Variants in TNC observed in about 807,000 individuals in gnomAD.
TNC encodes the protein tenascin.
Under a neutral mutation model 202.4 loss-of-function variants are expected in TNC, and 109 were observed. That is an observed-to-expected ratio of 0.54 (90% CI 0.46 to 0.63). The LOEUF (loss-of-function observed/expected upper bound fraction) is 0.63, where lower values mean the gene tolerates loss of function less well. Ranked by LOEUF, TNC falls within the 30% of genes least tolerant of loss-of-function variation. The probability of loss-of-function intolerance (pLI) is 0.00; values close to 1 mark genes in which losing one functional copy is unlikely to be tolerated. For missense variants in TNC, 2,756 were observed against 2,833.3 expected (o/e 0.97, Z 0.62); for synonymous variants, 1,007 against 1,089.7 (o/e 0.92, Z 1.50).
intron 25 of TNC, among the ~76,000 whole-genome samples, chr9:115,027,166 G>T (rs1350718648): frequency 6.6e-6 from 1 of 151,404 alleles, no homozygotes; most frequent in Admixed American, 6.6e-5. Context: ...TTGAAGCTCA[G>T]TCTTGTGCTT....
At chr9:115,114,612 C>T (rs1336833938) in intron 1 of TNC, among the ~76,000 whole-genome samples, 1 of 152,154 alleles carries the variant, frequency 6.6e-6, no homozygotes, top group African/African-American at 2.4e-5. Context: ...AATCAATAGG[C>T]ACCAATGCCA....
At chr9:115,081,978 T>G (rs751143479) in intron 5 of TNC, 50 bp from the exon 6 acceptor site, 2 of 1,514,028 alleles carry the variant, frequency 1.3e-6, no homozygotes, top group Non-Finnish European at 1.8e-6. Flanking sequence ...GCCAGTCTCT[T>G]AATTTATGTG....
At chr9:115,024,161 C>T (rs1443398247) in intron 26 of TNC, 25 bp from the exon 27 acceptor site, 7 of 1,604,886 alleles carry the variant, frequency 4.4e-6, no homozygotes, top group Non-Finnish European at 5.1e-6. Flanking sequence ...AAATATGGAC[C>T]TGAGAAATCT....
chr9:115,031,501 G>T, intron 23 of TNC, 52 bp downstream of exon 23: 3 of 1,449,672 alleles, frequency 2.1e-6, no homozygotes, highest in Non-Finnish European at 2.7e-6. Flanking sequence ...GTCAAGGGTT[G>T]ATTCAGTCAA....
chr9:115,085,790 C>T (rs570163223), intron 3 of TNC, 74 bp downstream of exon 3: 79 of 1,335,136 alleles, frequency 5.9e-5, no homozygotes, highest in Admixed American at 1.5e-4. Context: ...TATATATAAA[C>T]GTAGTTTTCC....
chr9:115,080,239 G>A (rs1236806320), intron 6 of TNC, among the ~76,000 whole-genome samples: 1 of 152,006 alleles, frequency 6.6e-6, no homozygotes, highest in African/African-American at 2.4e-5. Flanking sequence ...CAAAAGAGCA[G>A]TGAAAAAAAA....
At chr9:115,039,595 T>C (rs2131906795) in intron 19 of TNC, among the ~76,000 whole-genome samples, 1 of 152,322 alleles carries the variant, frequency 6.6e-6, no homozygotes, top group South Asian at 2.1e-4. Context: ...ATTGTGCCCA[T>C]GCCAGCAGCC....
chr9:115,082,868 G>T, intron 4 of TNC, 61 bp from the exon 5 acceptor site: 3 of 1,174,790 alleles, frequency 2.6e-6, no homozygotes, highest in Non-Finnish European at 2.5e-6. Context: ...GGGCAACGCG[G>T]CCACGATTCC....
intron 3 of TNC, among the ~76,000 whole-genome samples, chr9:115,085,384 T>G (rs1404173265): frequency 6.6e-6 from 1 of 152,250 alleles, no homozygotes; most frequent in East Asian, 1.9e-4. Flanking sequence ...GTAATCTCAC[T>G]GCGTATTCAA....
At chr9:115,064,126 T>A (rs567533790) in intron 11 of TNC, 58 bp from the exon 12 acceptor site, 2 of 1,482,480 alleles carry the variant, frequency 1.3e-6, no homozygotes, top group East Asian at 4.6e-5. Flanking sequence ...ATCCAGGGAA[T>A]CTTTAACACA....
In TNC at chr9:115,063,894, T is replaced by C; in HGVS notation, c.3662A>G (p.Asp1221Gly). The C allele has an allele frequency of 6.2e-7, 1 of 1,614,184 alleles. No individual in the cohort carries two copies. Among genetic ancestry groups the C allele is most frequent in the Non-Finnish European group, 8.5e-7 (1 of 1,180,022 alleles). Residue 1221 changes from aspartate (D) to glycine (G), a missense_variant, in exon 12 of 28, where the codon GAC becomes GGC. Asp to Gly is a moderately conservative substitution (Grantham distance 94). This residue lies in a region of TNC where 2,559 missense variants were observed against 2,546.0 expected (regional missense o/e 1.01). Transcript: ENST00000350763. ...LTVPGGLRSTDLPGLKAATHY... is the reference protein window; with the variant it reads ...LTVPGGLRSTGLPGLKAATHY... ...AGTGGCTGCTTTGAGCCCAGGCAGGTCTGTGGACCTCAGTCCTCCTGGGAC... is the reference window on the plus strand; with the variant it reads ...AGTGGCTGCTTTGAGCCCAGGCAGGCCTGTGGACCTCAGTCCTCCTGGGAC...
chr9:115,038,261 C>T lies in TNC; in HGVS notation c.5512G>A (p.Val1838Met), dbSNP rs1164129868. The change falls in exon 20 of 28, where the codon GTG becomes ATG. Residue 1838 changes from valine to methionine, a missense_variant and splice_region_variant. By Grantham distance (21) the Val-to-Met change is conservative. Around this residue, in one of 2 missense-constraint regions of TNC, gnomAD observed 2,559 missense variants for 2,546.0 expected, o/e 1.01. Transcript: ENST00000350763. ...AGGAGAGACTTGGACAAAACCTTAC[C>T]TTTCTCGCCTGTGTAGGAGATGACA... ...SYVISYTGEKVPEITRTVSGN... is the reference protein window; with the variant it reads ...SYVISYTGEKMPEITRTVSGN... 2 of 1,613,412 alleles carry T rather than the reference C, an allele frequency of 1.2e-6. No homozygotes were observed. Among genetic ancestry groups the T allele is most frequent in the Non-Finnish European group, 1.7e-6 (2 of 1,179,570 alleles).
chr9:115,087,421 G>C, intron 2 of TNC, 148 bp from the exon 3 acceptor site: 1 of 736,968 alleles, frequency 1.4e-6, no homozygotes, highest in East Asian at 2.7e-5. Context: ...TGTAGTGTGT[G>C]AAATCAGATG....
In TNC at chr9:115,091,133, ATCT is replaced by A; in HGVS notation, c.-118_-116del. 1.3e-6 allele frequency: 1 copy of A among 786,018 alleles called. No individual in the cohort carries two copies. 48.7% of individuals were successfully genotyped at this position (786,018 alleles called of 1,614,324 possible). On this transcript the variant is annotated 5_prime_UTR_variant, in exon 2 of 28. Coordinates refer to ENST00000350763, the MANE Select transcript of TNC (RefSeq NM_002160.4). The stretch of plus-strand genomic sequence containing the variant: ...GTAGACTTCAAATCAGTTGTCCCTG[ATCT>A]TCTTGAAAGAATTATTTTCTACAAG...
chr9:115,052,079 C>CATAT (rs3035495), intron 15 of TNC, among the ~76,000 whole-genome samples: 47 of 146,854 alleles, frequency 3.2e-4, no homozygotes, highest in African/African-American at 1.0e-3. Flanking sequence ...TGTATATATA[C>CATAT]ATATATATAT....
intron 7 of TNC, among the ~76,000 whole-genome samples, chr9:115,077,640 A>G (rs1166528036): frequency 6.6e-6 from 1 of 152,246 alleles, no homozygotes; most frequent in African/African-American, 2.4e-5. Flanking sequence ...TCCATATACC[A>G]TATTTTACTT....
chr9:115,100,500 C>T (rs1457648595), intron 1 of TNC, among the ~76,000 whole-genome samples: 1 of 152,184 alleles, frequency 6.6e-6, no homozygotes, highest in Non-Finnish European at 1.5e-5. Flanking sequence ...AATTGAAACA[C>T]CCAGAGTCAC....
rs1355580059 is a variant in TNC, at chr9:115,076,584, G to GAGA, written c.2675-12_2675-10dup. 2 of 1,613,800 alleles carry GAGA rather than the reference G, an allele frequency of 1.2e-6. No individual in the cohort carries two copies. Among genetic ancestry groups the GAGA allele is most frequent in the Non-Finnish European group, 8.5e-7 (1 of 1,179,828 alleles). On this transcript the variant is annotated splice_polypyrimidine_tract_variant and intron_variant, in intron 7 of 27. Coordinates refer to ENST00000350763, the MANE Select transcript of TNC (RefSeq NM_002160.4). Reference sequence around the variant, plus strand: ...CCTGGGAGCATCGAGGCCTGTTTGAGAGAAGGAACATTTGTATTGAACATA... The same window carrying GAGA: ...CCTGGGAGCATCGAGGCCTGTTTGAGAGAAGAAGGAACATTTGTATTGAACATA...
At chr9:115,092,152 A>G (rs1564132741) in intron 1 of TNC, among the ~76,000 whole-genome samples, 3 of 152,224 alleles carry the variant, frequency 2.0e-5, no homozygotes, top group Admixed American at 6.5e-5. Context: ...GGTATAGTGT[A>G]TAACTGCCTA....
Sources: gnomAD v4.1 joint callset for allele counts (sites outside exome capture counted in the v4.1 genomes callset) on GRCh38, gnomAD v4.1.1 for gene constraint, gnomAD v4.1.1 regional missense constraint, MANE v1.5 for transcripts, NCBI Gene and HGNC (gene_info 2026-07-23, HGNC 2026-07-21) for gene names.